Variants in CCNA1 observed in about 807,000 individuals in gnomAD.
CCNA1 encodes cyclin A1.
A neutral mutation model predicts 54.1 loss-of-function variants in CCNA1; 23 were observed. That is an observed-to-expected ratio of 0.42 (90% confidence interval 0.31 to 0.60). CCNA1 has a LOEUF of 0.60. CCNA1 is among the 20% of genes least tolerant of loss of function. CCNA1 has a pLI of 0.14. For synonymous variants in CCNA1, 208 were observed against 213.9 expected, an observed-to-expected ratio of 0.97 and a Z score of 0.24; for missense variants, 450 against 556.7, an observed-to-expected ratio of 0.81 and a Z score of 1.93.
intron 8 of CCNA1, 78 bp from the exon 9 acceptor site, chr13:36,442,536 G>A: frequency 6.9e-7 from 1 of 1,454,504 alleles, no homozygotes. Context: ...AAAACTACTG[G>A]AAAGTTTTCT....
rs145220476 is a variant in CCNA1, at chr13:36,433,079, G to A, written c.155G>A (p.Ser52Asn). 9 of 1,614,166 alleles carry A rather than the reference G, an allele frequency of 5.6e-6. No homozygotes were observed. The highest frequency in any genetic ancestry group is 7.6e-6 in the Non-Finnish European group (9 of 1,179,986). The change falls in exon 2 of 9, where the codon AGT becomes AAT. Residue 52 changes from serine (S) to asparagine (N), a missense_variant. By Grantham distance (46) the Ser-to-Asn change is conservative. Around this residue, in one of 6 missense-constraint regions of CCNA1, gnomAD observed 103 missense variants for 100.9 expected, o/e 1.02. Coordinates refer to ENST00000255465, the MANE Select transcript of CCNA1 (RefSeq NM_003914.4). ...GCAATGCACTGCAGCAACCCCAAGA[G>A]TGGAGTTGTGCTGGCTACAGTGGCC...
In CCNA1 at chr13:36,440,147, A is replaced by T. The variant is rs746602662; in HGVS notation, c.1062A>T (p.Arg354=). The T allele has an allele frequency of 2.5e-6, 4 of 1,614,100 alleles. No individual in the cohort carries two copies. The South Asian group carries it at 3.3e-5, about 13-fold the overall frequency. ...AGTTTCTCCTTCAGTACTTGAGGCGACAAGGAGTGTGCGTCAGGACTGAGA... is the reference window on the plus strand; with the variant it reads ...AGTTTCTCCTTCAGTACTTGAGGCGTCAAGGAGTGTGCGTCAGGACTGAGA... The change falls in exon 6 of 9, where the codon CGA becomes CGT. Residue 354 remains arginine, a synonymous_variant. Coordinates refer to ENST00000255465, the MANE Select transcript of CCNA1 (RefSeq NM_003914.4).
At chr13:36,433,444 TTCTTTC>T (rs2055757765) in intron 2 of CCNA1, among the ~76,000 whole-genome samples, 1 of 63,970 alleles carries the variant, frequency 1.6e-5, no homozygotes, top group East Asian at 2.5e-4. Flanking sequence ...CTTTCTTTCG[TTCTTTC>T]TTTCTTTCTT....
intron 4 of CCNA1, 77 bp from the exon 5 acceptor site, chr13:36,438,567 T>C: frequency 9.8e-7 from 1 of 1,025,108 alleles, no homozygotes; most frequent in Non-Finnish European, 1.5e-6. Context: ...CTTGTGAGAT[T>C]TTTAAATAGC....
rs1374162875 is a variant in CCNA1, at chr13:36,442,707, A to G, written c.*42A>G. Reference sequence around the variant, plus strand: ...ACTTCCAGAACTTCACCTCCATATCAGAAGTGCCAATAATCGTCATAGGCT... The same window carrying G: ...ACTTCCAGAACTTCACCTCCATATCGGAAGTGCCAATAATCGTCATAGGCT... On this transcript the variant is annotated 3_prime_UTR_variant, in exon 9 of 9. Coordinates refer to ENST00000255465, the MANE Select transcript of CCNA1 (RefSeq NM_003914.4). The G allele has an allele frequency of 3.9e-6, 6 of 1,526,544 alleles. No homozygotes were observed. The highest frequency in any genetic ancestry group is 5.4e-6 in the Non-Finnish European group (6 of 1,101,402). The allele number at this position is 1,526,544 out of a possible 1,614,324, so 94.6% of individuals were successfully genotyped here.
chr13:36,439,332 A>G (rs1295106651), intron 5 of CCNA1, among the ~76,000 whole-genome samples: 1 of 152,156 alleles, frequency 6.6e-6, no homozygotes, highest in African/African-American at 2.4e-5. Context: ...TGTGTGGGAA[A>G]AGAGAGCTGG....
rs955574872 is a variant in CCNA1, at chr13:36,433,311, C to G, written c.297+90C>G. ...TGCTTTTCTCTTGCCCTTGTACCTA[C>G]AACTCCCCCTGAGTATTACAACCCT... On this transcript the variant is annotated intron_variant, in intron 2 of 8. Coordinates refer to ENST00000255465, the MANE Select transcript of CCNA1 (RefSeq NM_003914.4). The G allele has an allele frequency of 6.8e-6, 6 of 881,952 alleles. No homozygotes were observed. The East Asian group carries it at 1.1e-4, about 16-fold the overall frequency. 54.6% of individuals were successfully genotyped at this position (881,952 alleles called of 1,614,324 possible).
At chr13:36,439,839 G>A (rs2055853424) in intron 5 of CCNA1, 140 bp from the exon 6 acceptor site, 1 of 614,502 alleles carries the variant, frequency 1.6e-6, no homozygotes, top group African/African-American at 1.8e-5. Flanking sequence ...TCATAGCCCT[G>A]AGTCATTTAG....
chr13:36,432,951 C>A, intron 1 of CCNA1, 82 bp from the exon 2 acceptor site: 1 of 1,333,196 alleles, frequency 7.5e-7, no homozygotes, highest in Non-Finnish European at 1.1e-6. Flanking sequence ...GGTGCTCTCC[C>A]TCCTAGAGGT....
At chr13:36,442,488 T>C (rs750798386) in intron 8 of CCNA1, 126 bp from the exon 9 acceptor site, 2 of 1,112,066 alleles carry the variant, frequency 1.8e-6, no homozygotes, top group Non-Finnish European at 2.6e-6. Context: ...CAGCTTTTAA[T>C]ACTTGTAGTC....
intron 2 of CCNA1, 148 bp downstream of exon 2, chr13:36,433,369 ATTTTCTTTCTTTCTTTCTTT>A: frequency 2.9e-6 from 1 of 339,604 alleles, no homozygotes; most frequent in African/African-American, 2.6e-5. Flanking sequence ...TGATTGATTT[ATTTTCTTTCTTTCTTTCTTT>A]CTTTCTTTCT....
At position 36,442,780 on chromosome 13, in the gene CCNA1, T is replaced by G. The variant is rs568563514; in HGVS notation, c.*115T>G. 12 of 824,508 alleles carry G rather than the reference T, an allele frequency of 1.5e-5. No individual in the cohort carries two copies. Among genetic ancestry groups the G allele is most frequent in the Non-Finnish European group, 2.4e-5 (12 of 503,906 alleles). 51.1% of individuals were successfully genotyped at this position (824,508 alleles called of 1,614,324 possible). ...GTTGTTTACAATATAGATGACATTT[T>G]AAAAATGTAAATGAATTTAGTTTCC... On this transcript the variant is annotated 3_prime_UTR_variant, in exon 9 of 9. Coordinates refer to ENST00000255465, the MANE Select transcript of CCNA1 (RefSeq NM_003914.4).
At chr13:36,437,480 C>CTTT in intron 2 of CCNA1, 149 bp from the exon 3 acceptor site, 1 of 665,034 alleles carries the variant, frequency 1.5e-6, no homozygotes, top group Non-Finnish European at 2.5e-6. Flanking sequence ...TTTTGAAGAC[C>CTTT]TTTTTTTTTT....
rs1371805004 is a variant in CCNA1, at chr13:36,432,720, C to G, written c.99C>G (p.Phe33Leu). The change falls in exon 1 of 9, where the codon TTC becomes TTG. Residue 33 changes from phenylalanine (F) to leucine (L), a missense_variant. By Grantham distance (22) the Phe-to-Leu change is conservative. Around this residue, in one of 6 missense-constraint regions of CCNA1, gnomAD observed 103 missense variants for 100.9 expected, o/e 1.02. Transcript: ENST00000255465. ...GGGAAGGACCGGGGCTCCCAGATTT[C>G]GTCTTCCAGGTAACGTGGGTTTAGT... 6.2e-7 allele frequency: 1 copy of G among 1,607,030 alleles called. No homozygotes were observed. The highest frequency in any genetic ancestry group is 1.7e-5 in the Admixed American group (1 of 59,896).
intron 5 of CCNA1, 50 bp from the exon 6 acceptor site, chr13:36,439,929 G>T: frequency 1.5e-6 from 2 of 1,297,356 alleles, no homozygotes; most frequent in Non-Finnish European, 2.2e-6. Context: ...TAGCACAGGA[G>T]TAGAGCCAAA....
chr13:36,437,700 T>C lies in CCNA1; in HGVS notation c.369T>C (p.Pro123=), dbSNP rs2055822612. 11 of 1,614,100 alleles carry C rather than the reference T, an allele frequency of 6.8e-6. No homozygotes were observed. The highest frequency in any genetic ancestry group is 7.6e-6 in the Non-Finnish European group (9 of 1,179,970). Residue 123 remains proline (P), a synonymous_variant, in exon 3 of 9, where the codon CCT becomes CCC. Transcript: ENST00000255465. ...CTCCAGCTGGAAAGAAAGCACTCCC[T>C]GACTGTGGGGTCCAAGAGCCCCCCA...
intron 6 of CCNA1, 54 bp downstream of exon 6, chr13:36,440,237 C>A: frequency 1.4e-6 from 2 of 1,399,110 alleles, no homozygotes; most frequent in South Asian, 1.2e-5. Flanking sequence ...GCGTAAAAAT[C>A]AACCTTTCCC....
rs761509086 is a variant in CCNA1, at chr13:36,438,752, C to G, written c.778C>G (p.Leu260Val). 1.9e-6 allele frequency: 3 copies of G among 1,613,926 alleles called. No individual in the cohort carries two copies. Among genetic ancestry groups the G allele is most frequent in the Non-Finnish European group, 2.5e-6 (3 of 1,179,958 alleles). The stretch of plus-strand genomic sequence containing the variant: ...GGTGGAGGTTGGGGAAGAATATAAA[C>G]TTCGAGCAGAGACCCTGTATCTGGC... Residue 260 changes from leucine (L) to valine (V), a missense_variant, in exon 5 of 9, where the codon CTT becomes GTT. Physicochemically the swap from Leu to Val is conservative, Grantham distance 32 (BLOSUM62 1). Transcript: ENST00000255465.
At chr13:36,432,932 C>T (rs1362661116) in intron 1 of CCNA1, 101 bp from the exon 2 acceptor site, 14 of 1,149,706 alleles carry the variant, frequency 1.2e-5, no homozygotes, top group Admixed American at 1.1e-4. Flanking sequence ...GGTGTTAGTC[C>T]CATTGCTTGG....
Sources: gnomAD v4.1 joint callset for allele counts (sites outside exome capture counted in the v4.1 genomes callset) on GRCh38, gnomAD v4.1.1 for gene constraint, gnomAD v4.1.1 regional missense constraint, MANE v1.5 for transcripts, NCBI Gene and HGNC (gene_info 2026-07-23, HGNC 2026-07-21) for gene names.